HTR4: variants seen among roughly 807,000 people sequenced by gnomAD.
The protein encoded by HTR4 is 5-hydroxytryptamine receptor 4, also known as 5-hydroxytryptamine (serotonin) receptor 4, G protein-coupled.
In HTR4, 16 loss-of-function variants were observed where a neutral mutation model predicts 36.8. The observed-to-expected ratio is 0.43, with a 90% CI of 0.29 to 0.66. The LOEUF (loss-of-function observed/expected upper bound fraction) is 0.66, where lower values mean the gene tolerates loss of function less well. Among genes scored for constraint, HTR4 ranks in the 30% least tolerant of loss-of-function variants. HTR4 has a pLI of 0.13. For synonymous variants in HTR4, 189 were observed against 185.1 expected (o/e 1.02, Z -0.17); for missense variants, 438 against 490.9 (o/e 0.89, Z 1.02).
At chr5:148,622,036 C>A (rs1157466993) in intron 2 of HTR4, among the ~76,000 whole-genome samples, 1 of 152,166 alleles carries the variant, frequency 6.6e-6, no homozygotes, top group Non-Finnish European at 1.5e-5. Flanking sequence ...TGACCGGTAT[C>A]CAAATGCATC....
chr5:148,596,740 T>A (rs1327331181), intron 2 of HTR4, among the ~76,000 whole-genome samples: 1 of 152,158 alleles, frequency 6.6e-6, no homozygotes, highest in Non-Finnish European at 1.5e-5. Context: ...ACTGAATTAC[T>A]CATTCTTCCT....
chr5:148,538,824 T>C (rs1313105163), intron 4 of HTR4, among the ~76,000 whole-genome samples: 1 of 152,178 alleles, frequency 6.6e-6, no homozygotes, highest in African/African-American at 2.4e-5. Context: ...GATTCAATGC[T>C]ATTTCTATCA....
chr5:148,626,451 C>T (rs576661273), intron 2 of HTR4, among the ~76,000 whole-genome samples: 11 of 152,260 alleles, frequency 7.2e-5, no homozygotes, highest in African/African-American at 2.6e-4. Context: ...CCTAATGAGT[C>T]ATAAAGAATG....
In HTR4 at chr5:148,639,417, G is replaced by A. The variant is rs993607896; in HGVS notation, c.-47-2356C>T. Among the ~76,000 whole-genome samples, 15 of 151,854 alleles carry A rather than the reference G, an allele frequency of 9.9e-5. No individual in the cohort carries two copies. The South Asian group carries it at 1.3e-3, about 13-fold the overall frequency. On this transcript the variant is annotated intron_variant, in intron 1 of 6. Transcript: ENST00000377888. ...TTTGCTGCTTTCCTGGGCCGTAACCGTAGGTTCCCATCTCAGGGCCTTTTC... is the reference window on the plus strand; with the variant it reads ...TTTGCTGCTTTCCTGGGCCGTAACCATAGGTTCCCATCTCAGGGCCTTTTC...
chr5:148,510,104 G>A, intron 5 of HTR4, 80 bp from the exon 6 acceptor site: 6 of 865,908 alleles, frequency 6.9e-6, no homozygotes, highest in Non-Finnish European at 8.9e-6. Context: ...GGAAAAATGG[G>A]GAAGAGTGTG....
chr5:148,465,655 A>T (rs1282543650), intron 5 of HTR4, among the ~76,000 whole-genome samples: 1 of 152,226 alleles, frequency 6.6e-6, no homozygotes, highest in Non-Finnish European at 1.5e-5. Context: ...CCATCATTAA[A>T]ACATTTAAAA....
intron 4 of HTR4, among the ~76,000 whole-genome samples, chr5:148,538,037 C>A (rs546404300): frequency 1.3e-5 from 2 of 152,256 alleles, no homozygotes; most frequent in East Asian, 3.9e-4. Flanking sequence ...CCACCACAAT[C>A]AAGTAAGCTT....
At chr5:148,514,737 A>C (rs1282281721) in intron 5 of HTR4, among the ~76,000 whole-genome samples, 1 of 152,168 alleles carries the variant, frequency 6.6e-6, no homozygotes, top group Admixed American at 6.5e-5. Flanking sequence ...TAAGGTTATC[A>C]TGTATCATCC....
At chr5:148,606,242 G>C (rs1287850012) in intron 2 of HTR4, among the ~76,000 whole-genome samples, 2 of 152,052 alleles carry the variant, frequency 1.3e-5, no homozygotes, top group Non-Finnish European at 2.9e-5. Flanking sequence ...GGTAGAAAAT[G>C]AGCAAAATTA....
intron 5 of HTR4, among the ~76,000 whole-genome samples, chr5:148,460,667 AAAAT>A (rs1230843312): frequency 6.6e-6 from 1 of 152,150 alleles, no homozygotes; most frequent in Admixed American, 6.6e-5. Flanking sequence ...AGATGGAAGG[AAAAT>A]AAATAGGCCA....
intron 4 of HTR4, among the ~76,000 whole-genome samples, chr5:148,536,506 G>A (rs1189372865): frequency 6.6e-6 from 1 of 151,644 alleles, no homozygotes; most frequent in Non-Finnish European, 1.5e-5. Flanking sequence ...CATCTCACAC[G>A]TAATGATACC....
chr5:148,566,912 C>T (rs1189618670), intron 2 of HTR4, among the ~76,000 whole-genome samples: 7 of 149,670 alleles, frequency 4.7e-5, no homozygotes, highest in Admixed American at 3.3e-4. Context: ...TTTACTTTTT[C>T]CCAGTATTTC....
chr5:148,640,502 C>A (rs934489501), intron 1 of HTR4, among the ~76,000 whole-genome samples: 8 of 152,242 alleles, frequency 5.3e-5, no homozygotes, highest in African/African-American at 1.9e-4. Flanking sequence ...TCATTGCCAC[C>A]CCATGGGAGG....
intron 5 of HTR4, among the ~76,000 whole-genome samples, chr5:148,459,138 T>G (rs1755201006): frequency 6.6e-6 from 1 of 152,016 alleles, no homozygotes; most frequent in Non-Finnish European, 1.5e-5. Context: ...GTAGGGGCAG[T>G]GAGGACATTC....
At chr5:148,531,847 T>C (rs1402597122) in intron 4 of HTR4, among the ~76,000 whole-genome samples, 3 of 152,130 alleles carry the variant, frequency 2.0e-5, no homozygotes, top group African/African-American at 4.8e-5. Flanking sequence ...GGTAAAAAAT[T>C]CCCTGTTGCT....
intron 2 of HTR4, among the ~76,000 whole-genome samples, chr5:148,553,011 C>T (rs1759772717): frequency 6.6e-6 from 1 of 152,206 alleles, no homozygotes; most frequent in South Asian, 2.1e-4. Context: ...GCAAAAGCTA[C>T]TTGCAGCTAT....
chr5:148,491,481 G>T (rs1019612107), intron 6 of HTR4, among the ~76,000 whole-genome samples: 5 of 152,118 alleles, frequency 3.3e-5, no homozygotes, highest in Non-Finnish European at 7.4e-5. Flanking sequence ...CTAGTTTGAA[G>T]CAGGGTTTCT....
intron 1 of HTR4, among the ~76,000 whole-genome samples, chr5:148,647,323 T>C (rs76501720): frequency 0.013 from 1,918 of 152,274 alleles, 41 homozygotes; most frequent in African/African-American, 0.043. Flanking sequence ...AAAAATCAGA[T>C]TTTCCAGAGA....
downstream of HTR4, among the ~76,000 whole-genome samples, chr5:148,475,414 T>A (rs112564429): frequency 6.7e-3 from 1,014 of 152,322 alleles, 7 homozygotes; most frequent in African/African-American, 0.022. Flanking sequence ...ATCCTTTTAC[T>A]GTCTTAGAAG....
Sources: gnomAD v4.1 joint callset for allele counts (sites outside exome capture counted in the v4.1 genomes callset) on GRCh38, gnomAD v4.1.1 for gene constraint, MANE v1.5 for transcripts, NCBI Gene and HGNC (gene_info 2026-07-23, HGNC 2026-07-21) for gene names.